ELL2: variants seen among roughly 807,000 people sequenced by gnomAD.
The protein encoded by ELL2 is RNA polymerase II elongation factor ELL2.
In ELL2, 21 loss-of-function variants were observed where a neutral mutation model predicts 72.8. The ratio of observed to expected loss-of-function variants is 0.29; its 90% CI spans 0.20 to 0.42. ELL2 has a LOEUF of 0.42. ELL2 is among the 10% of genes least tolerant of loss of function. The probability of loss-of-function intolerance (pLI) is 1.00; values close to 1 mark genes in which losing one functional copy is unlikely to be tolerated. For synonymous variants in ELL2, 266 were observed against 283.2 expected, an observed-to-expected ratio of 0.94 and a Z score of 0.61; for missense variants, 568 against 772.8, an observed-to-expected ratio of 0.73 and a Z score of 3.14.
intron 4 of ELL2, among the ~76,000 whole-genome samples, chr5:95,912,685 T>C (rs893299219): frequency 1.3e-5 from 2 of 152,130 alleles, no homozygotes; most frequent in Non-Finnish European, 2.9e-5. Context: ...GGTACAAATA[T>C]CTGGGGAGGG....
In ELL2 at chr5:95,940,038, G is replaced by T. The variant is rs1750914644; in HGVS notation, c.195+2964C>A. On this transcript the variant is annotated intron_variant, in intron 2 of 11. Transcript: ENST00000237853. ...CTTCAGAATCAGCAAAGCAATTTTG[G>T]ATGATTTATTCACCTCCTGATATTC... Among the ~76,000 whole-genome samples, 3 of 152,164 alleles carry T rather than the reference G, an allele frequency of 2.0e-5. No individual in the cohort carries two copies. The South Asian group carries it at 6.2e-4, about 32-fold the overall frequency.
At chr5:95,925,109 G>T (rs1285169792) in intron 2 of ELL2, among the ~76,000 whole-genome samples, 1 of 152,156 alleles carries the variant, frequency 6.6e-6, no homozygotes, top group African/African-American at 2.4e-5. Context: ...GAACCAGCAA[G>T]GGTTTTCTTC....
chr5:95,950,712 G>A (rs1421604487), intron 1 of ELL2, among the ~76,000 whole-genome samples: 1 of 151,308 alleles, frequency 6.6e-6, no homozygotes, highest in African/African-American at 2.4e-5. Flanking sequence ...GGAAGAACCA[G>A]ATTAAAGAAC....
At chr5:95,933,006 C>A (rs780103087) in intron 2 of ELL2, among the ~76,000 whole-genome samples, 1 of 152,132 alleles carries the variant, frequency 6.6e-6, no homozygotes, top group Non-Finnish European at 1.5e-5. Flanking sequence ...TGTTACTTTA[C>A]GCTATCTTAA....
Position 95,906,664 on chromosome 5 carries a change from G to A in ELL2, c.600C>T (p.Thr200=), listed in dbSNP as rs1013937339. ...TGTCCCTGTATGGCCTCTGAGAGAT[G>A]GTGCTGCTGCTATGTGTCTTTCGAA... ...NTIRKTHSSS[T]ISQRPYRDRV... Residue 200 remains threonine (T), a synonymous_variant, in exon 5 of 12, where the codon ACC becomes ACT. Coordinates refer to ENST00000237853, the MANE Select transcript of ELL2 (RefSeq NM_012081.6). The A allele has an allele frequency of 1.9e-6, 3 of 1,614,106 alleles. No homozygotes were observed. Among genetic ancestry groups the A allele is most frequent in the South Asian group, 1.1e-5 (1 of 91,078 alleles).
At chr5:95,913,627 C>G in intron 4 of ELL2, 144 bp downstream of exon 4, 1 of 879,692 alleles carries the variant, frequency 1.1e-6, no homozygotes. Context: ...GAACAAATAA[C>G]TTTGTTTTTC....
chr5:95,918,945 A>G (rs548503279), intron 3 of ELL2, among the ~76,000 whole-genome samples: 6 of 147,782 alleles, frequency 4.1e-5, no homozygotes, highest in Non-Finnish European at 8.9e-5. Context: ...TCTAGTTTCC[A>G]TGCAGCTGTA....
intron 1 of ELL2, among the ~76,000 whole-genome samples, chr5:95,946,923 GGAGTGGT>G (rs146129900): frequency 0.03 from 4,637 of 152,252 alleles, 111 homozygotes; most frequent in Admixed American, 0.075. Context: ...AAGGCAACAA[GGAGTGGT>G]GAGTACCTGG....
At chr5:95,904,757 G>T (rs1749291117) in intron 5 of ELL2, among the ~76,000 whole-genome samples, 1 of 152,106 alleles carries the variant, frequency 6.6e-6, no homozygotes, top group South Asian at 2.1e-4. Context: ...CCTACTTTTG[G>T]TCAGTTTTAT....
chr5:95,906,376 C>T, intron 5 of ELL2, 147 bp downstream of exon 5: 1 of 698,230 alleles, frequency 1.4e-6, no homozygotes, highest in Admixed American at 3.8e-5. Context: ...ACTTAATATT[C>T]AGGAGTTGTA....
Position 95,886,641 on chromosome 5 carries a change from T to G in ELL2, c.*2230A>C, listed in dbSNP as rs944627186. 6.7e-5 allele frequency: 10 copies of G among 149,438 alleles called. No individual in the cohort carries two copies. Among genetic ancestry groups the G allele is most frequent in the African/African-American group, 2.3e-4 (9 of 39,990 alleles). The allele number at this position is 149,438 out of a possible 1,614,324, so 9.3% of individuals were successfully genotyped here. A position where few individuals can be genotyped will look rare whatever the true frequency, so the allele number is the denominator to read the frequency against. On this transcript the variant is annotated 3_prime_UTR_variant, in exon 12 of 12. Transcript: ENST00000237853. ...GCAAAGGGGAAAAGTGATTTGCACC[T>G]GCTGACATGATGGACATTAAAAAAA... is the stretch of plus-strand genomic sequence containing the variant.
chr5:95,912,309 T>A (rs1749636243), intron 4 of ELL2, among the ~76,000 whole-genome samples: 1 of 152,200 alleles, frequency 6.6e-6, no homozygotes, highest in Non-Finnish European at 1.5e-5. Context: ...GGGAGGGTTT[T>A]TTTTTCAGCT....
At chr5:95,900,663 C>T (rs1749099434) in intron 7 of ELL2, 30 bp downstream of exon 7, 1 of 1,486,666 alleles carries the variant, frequency 6.7e-7, no homozygotes, top group East Asian at 2.3e-5. Context: ...ATATCTATGT[C>T]AGGTCTATAA....
At position 95,887,648 on chromosome 5, in the gene ELL2, A is replaced by G. The variant is rs935306349; in HGVS notation, c.*1223T>C. The G allele has an allele frequency of 2.0e-5, 3 of 152,754 alleles. No individual in the cohort carries two copies. Among genetic ancestry groups the G allele is most frequent in the South Asian group, 2.1e-4 (1 of 4,828 alleles). The allele number at this position is 152,754 out of a possible 1,614,324, so 9.5% of individuals were successfully genotyped here. A position where few individuals can be genotyped will look rare whatever the true frequency, so the allele number is the denominator to read the frequency against. ...GTCAACAGATAAACTCCATGAAATG[A>G]AAGTTTGTGCTGTTTGATGAATCAC... On this transcript the variant is annotated 3_prime_UTR_variant, in exon 12 of 12. Transcript: ENST00000237853.
At chr5:95,948,105 G>T (rs1169157694) in intron 1 of ELL2, among the ~76,000 whole-genome samples, 1 of 152,048 alleles carries the variant, frequency 6.6e-6, no homozygotes, top group African/African-American at 2.4e-5. Flanking sequence ...TTTTAGAAAA[G>T]AACATGTTAA....
chr5:95,935,439 T>G (rs946656973), intron 2 of ELL2, among the ~76,000 whole-genome samples: 1 of 152,218 alleles, frequency 6.6e-6, no homozygotes, highest in Non-Finnish European at 1.5e-5. Context: ...TATTCATATG[T>G]AAACCAGTAT....
At chr5:95,954,583 CTTTTTTTTTTTTCT>C (rs1171350741) in intron 1 of ELL2, among the ~76,000 whole-genome samples, 1,019 of 98,656 alleles carry the variant, frequency 0.01, 8 homozygotes, top group African/African-American at 0.038. Flanking sequence ...ATTTTCTTTT[CTTTTTTTTTTTTCT>C]TTTTTTTTTT....
chr5:95,950,902 GTGTATATATATATATATA>G lies in ELL2; in HGVS notation c.148-7871_148-7854del, dbSNP rs1324767964. Among the ~76,000 whole-genome samples the G allele has an allele frequency of 3.6e-3, 272 of 75,028 alleles. 10 individuals carry two copies. The highest frequency in any genetic ancestry group is 0.01 in the African/African-American group (237 of 23,382). 49.2% of individuals were successfully genotyped at this position (75,028 alleles called of 152,430 possible). ...TATATATATATATGTATGTATGTAT[GTGTATATATATATATATA>G]TATATATATATATATATATATATAT... On this transcript the variant is annotated intron_variant, in intron 1 of 11. Coordinates refer to ENST00000237853, the MANE Select transcript of ELL2 (RefSeq NM_012081.6).
rs1424930343 is a variant in ELL2 at position 95,885,949 on chromosome 5, A to AATG, written c.*2919_*2921dup. 7 of 152,192 alleles carry AATG rather than the reference A, an allele frequency of 4.6e-5. No individual in the cohort carries two copies. The highest frequency in any genetic ancestry group is 8.8e-5 in the Non-Finnish European group (6 of 68,014). 9.4% of individuals were successfully genotyped at this position (152,192 alleles called of 1,614,324 possible). A position where few individuals can be genotyped will look rare whatever the true frequency, so the allele number is the denominator to read the frequency against. On this transcript the variant is annotated 3_prime_UTR_variant, in exon 12 of 12. Transcript: ENST00000237853. ...TATTTTAAAAAGCCCACATCTAGTTAATGTTCTCTTAGTTTGTTTTAAATC... is the reference window on the plus strand; with the variant it reads ...TATTTTAAAAAGCCCACATCTAGTTAATGATGTTCTCTTAGTTTGTTTTAAATC...
Sources: gnomAD v4.1 joint callset for allele counts (sites outside exome capture counted in the v4.1 genomes callset) on GRCh38, gnomAD v4.1.1 for gene constraint, MANE v1.5 for transcripts, NCBI Gene and HGNC (gene_info 2026-07-23, HGNC 2026-07-21) for gene names.